The following IRS1 variants were observed in gnomAD, a reference collection of about 807,000 sequenced individuals.
IRS1 encodes the protein insulin receptor substrate 1.
Under a neutral mutation model 65.6 loss-of-function variants are expected in IRS1, and 34 were observed. That is an observed-to-expected ratio of 0.52 (90% CI 0.39 to 0.69). The LOEUF is 0.69. Ranked by LOEUF, IRS1 falls within the 30% of genes least tolerant of loss-of-function variation. IRS1 has a pLI of 0.00. For missense variants in IRS1, 1,641 were observed against 1,720.2 expected, an observed-to-expected ratio of 0.95 and a Z score of 0.81; for synonymous variants, 699 against 683.5, an observed-to-expected ratio of 1.02 and a Z score of -0.35.
At chr2:226,791,912 C>T (rs1379214353) in intron 1 of IRS1, among the ~76,000 whole-genome samples, 2 of 152,072 alleles carry the variant, frequency 1.3e-5, no homozygotes, top group Non-Finnish European at 2.9e-5. Flanking sequence ...ATTCCCCCAC[C>T]CCGGGCGAAA....
At chr2:226,751,965 C>T (rs1158535318) in intron 1 of IRS1, among the ~76,000 whole-genome samples, 1 of 152,090 alleles carries the variant, frequency 6.6e-6, no homozygotes, top group Non-Finnish European at 1.5e-5. Context: ...ACTGCCAACT[C>T]AGATCTCATC....
chr2:226,763,179 T>C (rs757205962), intron 1 of IRS1, among the ~76,000 whole-genome samples: 5 of 152,204 alleles, frequency 3.3e-5, no homozygotes, highest in Non-Finnish European at 7.4e-5. Flanking sequence ...AATGCATTGC[T>C]GAAGGCCTTG....
At chr2:226,766,806 G>A (rs1939057620) in intron 1 of IRS1, among the ~76,000 whole-genome samples, 1 of 152,152 alleles carries the variant, frequency 6.6e-6, no homozygotes, top group Non-Finnish European at 1.5e-5. Flanking sequence ...CTCAAATAAT[G>A]AAGATCACTC....
rs376768322 is a variant in IRS1, at chr2:226,786,095, C to G, written c.*21+8894G>C. ...CACTCGTCCTTTTTTATGGCTGCAT[C>G]GTATTCCATGGTGTATATGTACCAC... On this transcript the variant is annotated intron_variant, in intron 1 of 1. Coordinates refer to ENST00000305123, the MANE Select transcript of IRS1 (RefSeq NM_005544.3). Among the ~76,000 whole-genome samples, 29 of 142,234 alleles carry G rather than the reference C, an allele frequency of 2.0e-4. 3 individuals carry two copies. Among genetic ancestry groups the G allele is most frequent in the African/African-American group, 7.6e-4 (29 of 38,046 alleles). The allele number at this position is 142,234 out of a possible 152,430, so 93.3% of individuals were successfully genotyped here. A position where few individuals can be genotyped will look rare whatever the true frequency, so the allele number is the denominator to read the frequency against.
intron 1 of IRS1, among the ~76,000 whole-genome samples, chr2:226,763,196 T>C (rs1292536997): frequency 6.6e-6 from 1 of 152,216 alleles, no homozygotes; most frequent in African/African-American, 2.4e-5. Flanking sequence ...CTTGTACTGC[T>C]GGAGGGGCAT....
Position 226,798,275 on chromosome 2 carries a change from G to A in IRS1, c.464C>T (p.Pro155Leu), listed in dbSNP as rs769889211. The change falls in exon 1 of 2, where the codon CCC (proline) becomes CTC (leucine). Residue 155 changes from proline to leucine, a missense_variant. Pro to Leu is a moderately conservative substitution (Grantham distance 98). Coordinates refer to ENST00000305123, the MANE Select transcript of IRS1 (RefSeq NM_005544.3). The surrounding 1 kb of genome is among the most constrained non-coding windows in gnomAD (Gnocchi z 9.4). ...AGEDLSYGDV[P>L]PGPAFKEVWQ... ...GACCTCTTTGAATGCGGGTCCTGGG[G>A]GCACGTCACCGTAGCTCAAGTCCTC... 11 of 1,613,140 alleles carry A rather than the reference G, an allele frequency of 6.8e-6. No homozygotes were observed. The highest frequency in any genetic ancestry group is 3.3e-5 in the South Asian group (3 of 91,078).
intron 1 of IRS1, among the ~76,000 whole-genome samples, chr2:226,765,701 C>T (rs1489560203): frequency 2.0e-5 from 3 of 152,102 alleles, no homozygotes; most frequent in African/African-American, 7.2e-5. Flanking sequence ...TGGGGAGGAA[C>T]AGGAAAGGCT....
intron 1 of IRS1, among the ~76,000 whole-genome samples, chr2:226,763,792 C>CCATT (rs2106168012): frequency 6.6e-6 from 1 of 152,258 alleles, no homozygotes; most frequent in South Asian, 2.1e-4. Flanking sequence ...CATAAGTCTT[C>CCATT]CATTCAAACA....
chr2:226,778,052 C>T (rs973685146), intron 1 of IRS1, among the ~76,000 whole-genome samples: 1 of 151,928 alleles, frequency 6.6e-6, no homozygotes, highest in African/African-American at 2.4e-5. Context: ...CATTTCCTGT[C>T]TTATTTCCTC....
At position 226,733,856 on chromosome 2, in the gene IRS1, C is replaced by T. The variant is rs1463323665; in HGVS notation, c.*2416G>A. ...CCAGCTCAGGCACCACTAGAAGCAG[C>T]TTAAATAAGAATTTCTACCTTTATG... On this transcript the variant is annotated 3_prime_UTR_variant, in exon 2 of 2. Transcript: ENST00000305123. The T allele has an allele frequency of 6.6e-6, 1 of 152,224 alleles. No homozygotes were observed. The highest frequency in any genetic ancestry group is 1.9e-4 in the East Asian group (1 of 5,196). The allele number at this position is 152,224 out of a possible 1,614,324, so 9.4% of individuals were successfully genotyped here.
intron 1 of IRS1, among the ~76,000 whole-genome samples, chr2:226,760,405 C>G (rs952903748): frequency 5.3e-5 from 8 of 152,052 alleles, no homozygotes; most frequent in Non-Finnish European, 1.0e-4. Context: ...TTGAAAATAC[C>G]CAATTACTTT....
rs2106184098 is a variant in IRS1 at position 226,794,866 on chromosome 2, T to C, written c.*21+123A>G. ...GTGAGCATCTTGTGTGCCCTGAGAATGTAAGTGCATTCTCCCTGAGGAAGC... is the reference window on the plus strand; with the variant it reads ...GTGAGCATCTTGTGTGCCCTGAGAACGTAAGTGCATTCTCCCTGAGGAAGC... On this transcript the variant is annotated intron_variant, in intron 1 of 1. Transcript: ENST00000305123. This position sits in a 1 kb window ranked among gnomAD's most constrained non-coding sequence, Gnocchi z 4.1. The C allele has an allele frequency of 1.2e-6, 1 of 866,280 alleles. No individual in the cohort carries two copies. Among genetic ancestry groups the C allele is most frequent in the Non-Finnish European group, 1.9e-6 (1 of 518,590 alleles). The allele number at this position is 866,280 out of a possible 1,614,324, so 53.7% of individuals were successfully genotyped here. A position where few individuals can be genotyped will look rare whatever the true frequency, so the allele number is the denominator to read the frequency against.
intron 1 of IRS1, among the ~76,000 whole-genome samples, chr2:226,775,281 T>G (rs563396824): frequency 1.3e-5 from 2 of 152,362 alleles, no homozygotes; most frequent in African/African-American, 4.8e-5. Flanking sequence ...AGAAGCATTG[T>G]ACTCTAGTTG....
chr2:226,740,486 A>G (rs1166942251), intron 1 of IRS1, among the ~76,000 whole-genome samples: 2 of 152,190 alleles, frequency 1.3e-5, no homozygotes, highest in Non-Finnish European at 2.9e-5. Context: ...GCTGAAAAAC[A>G]AATAAAGACT....
intron 1 of IRS1, among the ~76,000 whole-genome samples, chr2:226,758,183 T>G (rs1337783287): frequency 6.6e-6 from 1 of 152,212 alleles, no homozygotes; most frequent in African/African-American, 2.4e-5. Context: ...TCAGGACTCA[T>G]GTATGAAGGT....
Position 226,797,010 on chromosome 2 carries a change from C to G in IRS1, c.1729G>C (p.Val577Leu). The G allele has an allele frequency of 6.2e-7, 1 of 1,601,378 alleles. No individual in the cohort carries two copies. Residue 577 changes from valine (V) to leucine (L), a missense_variant, in exon 1 of 2, where the codon GTG becomes CTG. Val to Leu is a conservative substitution (Grantham distance 32). Around this residue, in one of 3 missense-constraint regions of IRS1, gnomAD observed 1,324 missense variants for 1,361.0 expected, o/e 0.97. Transcript: ENST00000305123. The surrounding 1 kb of genome is among the most constrained non-coding windows in gnomAD (Gnocchi z 8.1). ...RLPGHRHSAF[V>L]PTRSYPEEGL... ...TCCTCTGGGTAGGAGCGGGTGGGCACGAAGGCGGAGTGCCTGTGTCCCGGC... is the reference window on the plus strand; with the variant it reads ...TCCTCTGGGTAGGAGCGGGTGGGCAGGAAGGCGGAGTGCCTGTGTCCCGGC...
At chr2:226,788,952 A>G (rs1939539003) in intron 1 of IRS1, among the ~76,000 whole-genome samples, 1 of 152,210 alleles carries the variant, frequency 6.6e-6, no homozygotes, top group South Asian at 2.1e-4. Flanking sequence ...ATTATTTTAC[A>G]TGCAAAAAAA....
intron 1 of IRS1, among the ~76,000 whole-genome samples, chr2:226,750,107 G>A (rs1382209861): frequency 2.6e-5 from 4 of 151,924 alleles, no homozygotes; most frequent in Admixed American, 2.6e-4. Flanking sequence ...AAATTAGCTG[G>A]GTGTGGTGGT....
chr2:226,789,194 A>G (rs1207096176), intron 1 of IRS1, among the ~76,000 whole-genome samples: 1 of 152,264 alleles, frequency 6.6e-6, no homozygotes, highest in East Asian at 1.9e-4. Context: ...CTATTCAGCT[A>G]AGACACATAT....
Sources: gnomAD v4.1 joint callset for allele counts (sites outside exome capture counted in the v4.1 genomes callset) on GRCh38, gnomAD v4.1.1 for gene constraint, gnomAD v4.1.1 regional missense constraint, Gnocchi (gnomAD v3.1) non-coding constraint, MANE v1.5 for transcripts, NCBI Gene and HGNC (gene_info 2026-07-23, HGNC 2026-07-21) for gene names.